CBARP: variants seen among roughly 807,000 people sequenced by gnomAD.
The protein encoded by CBARP is voltage-dependent calcium channel beta subunit-associated regulatory protein.
A neutral mutation model predicts 36.3 loss-of-function variants in CBARP; 24 were observed. That is an observed-to-expected ratio of 0.66 (90% CI 0.48 to 0.93). The LOEUF (loss-of-function observed/expected upper bound fraction) is 0.93. CBARP is among the 40% of genes least tolerant of loss of function. CBARP has a pLI of 0.00. For synonymous variants in CBARP, 586 were observed against 453.2 expected, an observed-to-expected ratio of 1.29 and a Z score of -3.72; for missense variants, 1,146 against 980.4, an observed-to-expected ratio of 1.17 and a Z score of -2.26.
At chr19:1,234,137 G>A in intron 7 of CBARP, 54 bp downstream of exon 7, 1 of 1,437,548 alleles carries the variant, frequency 7.0e-7, no homozygotes, top group Non-Finnish European at 9.1e-7. Flanking sequence ...GGACAGGGAG[G>A]GGAAGGAGCC....
intron 9 of CBARP, 80 bp from the exon 10 acceptor site, chr19:1,230,222 G>T: frequency 4.0e-6 from 4 of 994,818 alleles, no homozygotes; most frequent in Non-Finnish European, 4.8e-6. Flanking sequence ...TCTGGATCAG[G>T]GAGGGTGGAC....
At chr19:1,235,345 G>T in intron 4 of CBARP, 156 bp downstream of exon 4, 1 of 1,070,034 alleles carries the variant, frequency 9.3e-7, no homozygotes, top group Non-Finnish European at 1.3e-6. Flanking sequence ...ACCTACGCCT[G>T]GGCGTTAAGG....
chr19:1,234,191 C>T lies in CBARP; in HGVS notation c.768G>A (p.Ser256=), dbSNP rs2080931000. ...SASSDSGEGT[S]LDAGTRSTKA... Reference sequence around the variant, plus strand: ...ATGGGGGACACGCAGGGGCCCTCACCGAGGTGCCTTCCCCAGAGTCGCTAG... The same window carrying T: ...ATGGGGGACACGCAGGGGCCCTCACTGAGGTGCCTTCCCCAGAGTCGCTAG... The change falls in exon 7 of 10, where the codon TCG becomes TCA. Residue 256 remains serine (S), a splice_region_variant and synonymous_variant. Transcript: ENST00000650044. 5.9e-6 allele frequency: 9 copies of T among 1,517,050 alleles called. No individual in the cohort carries two copies. The highest frequency in any genetic ancestry group is 1.3e-5 in the South Asian group (1 of 75,788). 94.0% of individuals were successfully genotyped at this position (1,517,050 alleles called of 1,614,324 possible).
rs749222203 is a variant in CBARP, at chr19:1,230,859, G to A, written c.1154+242C>T. 7 of 1,494,066 alleles carry A rather than the reference G, an allele frequency of 4.7e-6. No homozygotes were observed. The South Asian group carries it at 5.4e-5, about 12-fold the overall frequency. 92.6% of individuals were successfully genotyped at this position (1,494,066 alleles called of 1,614,324 possible). A position where few individuals can be genotyped will look rare whatever the true frequency, so the allele number is the denominator to read the frequency against. On this transcript the variant is annotated intron_variant, in intron 9 of 9. Coordinates refer to ENST00000650044, the MANE Select transcript of CBARP (RefSeq NM_001393918.1). ...AAGCAGCAGTACCAGCGCCATCCTC[G>A]GGGGGCCCCTCCTCCCCACCCACCG... is the stretch of plus-strand genomic sequence containing the variant.
chr19:1,237,908 G>A lies in CBARP; in HGVS notation c.-174C>T, dbSNP rs1223273378. The A allele has an allele frequency of 6.8e-6, 1 of 147,216 alleles. No homozygotes were observed. Among genetic ancestry groups the A allele is most frequent in the African/African-American group, 2.4e-5 (1 of 40,952 alleles). 9.1% of individuals were successfully genotyped at this position (147,216 alleles called of 1,614,324 possible). On this transcript the variant is annotated 5_prime_UTR_variant, in exon 1 of 10. Transcript: ENST00000650044. ...CGGGGGAGGCCGGCGCGAGAGGAGG[G>A]GCCGCGCACGTGACCGCGTTGGCGG...
chr19:1,229,340 G>A lies in CBARP; in HGVS notation c.1957C>T (p.Pro653Ser). Residue 653 changes from proline to serine, a missense_variant, in exon 10 of 10, where the codon CCC becomes TCC. Coordinates refer to ENST00000650044, the MANE Select transcript of CBARP (RefSeq NM_001393918.1). The surrounding 1 kb of genome is among the most constrained non-coding windows in gnomAD (Gnocchi z 5.1). ...GGTAGGACGCACAGGCCCGAGCCGGGGCACCCCCCGCCGCCCGGCTCCTCC... is the reference window on the plus strand; with the variant it reads ...GGTAGGACGCACAGGCCCGAGCCGGAGCACCCCCCGCCGCCCGGCTCCTCC... ...IEEEPGGGGC[P>S]GSGLCVLPSG... is the part of the protein sequence containing the mutation. The A allele has an allele frequency of 3.3e-6, 4 of 1,213,388 alleles. No individual in the cohort carries two copies. Among genetic ancestry groups the A allele is most frequent in the Non-Finnish European group, 4.2e-6 (4 of 951,862 alleles). The allele number at this position is 1,213,388 out of a possible 1,614,324, so 75.2% of individuals were successfully genotyped here.
chr19:1,229,023 AG>A lies in CBARP; in HGVS notation c.*155del, dbSNP rs1351303277. 2 of 160,598 alleles carry A rather than the reference AG, an allele frequency of 1.2e-5. No homozygotes were observed. The highest frequency in any genetic ancestry group is 2.5e-5 in the Non-Finnish European group (2 of 78,860). The allele number at this position is 160,598 out of a possible 1,614,324, so 9.9% of individuals were successfully genotyped here. A position where few individuals can be genotyped will look rare whatever the true frequency, so the allele number is the denominator to read the frequency against. The stretch of plus-strand genomic sequence containing the variant: ...CCGGGGCTCTGCGCCTGCGCCCTGA[AG>A]CGGCGAGCGCGCCTCCGTCGCCCGG... On this transcript the variant is annotated 3_prime_UTR_variant, in exon 10 of 10. Coordinates refer to ENST00000650044, the MANE Select transcript of CBARP (RefSeq NM_001393918.1). This position sits in a 1 kb window ranked among gnomAD's most constrained non-coding sequence, Gnocchi z 5.1.
At chr19:1,233,909 G>A (rs756102825) in intron 7 of CBARP, among the ~76,000 whole-genome samples, 8 of 152,236 alleles carry the variant, frequency 5.3e-5, no homozygotes, top group Non-Finnish European at 7.3e-5. Context: ...CGCCCACGGC[G>A]TGGGCTGCAG....
chr19:1,230,173 G>C (rs2145445640), intron 9 of CBARP, 31 bp from the exon 10 acceptor site: 2 of 998,002 alleles, frequency 2.0e-6, no homozygotes, highest in South Asian at 8.1e-5. Flanking sequence ...TCAGAGCCCC[G>C]CCGAGCCCCG....
In CBARP at chr19:1,229,626, G is replaced by T; in HGVS notation, c.1671C>A (p.Asp557Glu). 8.3e-7 allele frequency: 1 copy of T among 1,201,984 alleles called. No homozygotes were observed. The highest frequency in any genetic ancestry group is 1.4e-5 in the South Asian group (1 of 72,450). The allele number at this position is 1,201,984 out of a possible 1,614,324, so 74.5% of individuals were successfully genotyped here. Reference protein sequence around the residue: ...DALFHEFLRHDPHFDDTPAAA... With the variant: ...DALFHEFLRHEPHFDDTPAAA... ...CAGCCGGCGTGTCGTCGAAGTGCGGGTCGTGGCGCAGGAACTCGTGGAACA... is the reference window on the plus strand; with the variant it reads ...CAGCCGGCGTGTCGTCGAAGTGCGGTTCGTGGCGCAGGAACTCGTGGAACA... Residue 557 changes from aspartate to glutamate, a missense_variant, in exon 10 of 10, where the codon GAC (aspartate) becomes GAA (glutamate). Asp to Glu is a conservative substitution (Grantham distance 45, BLOSUM62 2). Transcript: ENST00000650044. This position sits in a 1 kb window ranked among gnomAD's most constrained non-coding sequence, Gnocchi z 5.1.
Position 1,229,980 on chromosome 19 carries a change from G to C in CBARP, c.1317C>G (p.Ser439Arg), listed in dbSNP as rs1299757456. The C allele has an allele frequency of 1.6e-6, 2 of 1,223,852 alleles. No individual in the cohort carries two copies. Among genetic ancestry groups the C allele is most frequent in the Middle Eastern group, 3.5e-4 (1 of 2,896 alleles). 75.8% of individuals were successfully genotyped at this position (1,223,852 alleles called of 1,614,324 possible). A position where few individuals can be genotyped will look rare whatever the true frequency, so the allele number is the denominator to read the frequency against. The change falls in exon 10 of 10, where the codon AGC becomes AGG. Residue 439 changes from serine to arginine, a missense_variant. Physicochemically the swap from Ser to Arg is moderately radical, Grantham distance 110 (BLOSUM62 -1). Coordinates refer to ENST00000650044, the MANE Select transcript of CBARP (RefSeq NM_001393918.1). This position sits in a 1 kb window ranked among gnomAD's most constrained non-coding sequence, Gnocchi z 5.1. ...CATGCAGCTCAAGCGAGGCGCGCAG[G>C]CTCCACAGGTCGCGGTAGCTGGTCT... is the stretch of plus-strand genomic sequence containing the variant. ...QAQTSYRDLW[S>R]LRASLELHAA... is the part of the protein sequence containing the mutation.
Position 1,235,643 on chromosome 19 carries a change from C to T in CBARP, c.246-78G>A, listed in dbSNP as rs1010786367. The T allele has an allele frequency of 6.9e-6, 11 of 1,583,282 alleles. 1 individual carries two copies. The highest frequency in any genetic ancestry group is 2.3e-5 in the South Asian group (2 of 88,108). ...GTGGGTCTCGGCTCTTTGCCCCAAG[C>T]CAAGCCCTGCGCATCACCCAGTCTC... On this transcript the variant is annotated intron_variant, in intron 3 of 9. Coordinates refer to ENST00000650044, the MANE Select transcript of CBARP (RefSeq NM_001393918.1).
rs960880812 is a variant in CBARP at position 1,230,053 on chromosome 19, G to GGCT, written c.1241_1243dup (p.Gln414dup). 1 of 1,212,042 alleles carries GGCT rather than the reference G, an allele frequency of 8.3e-7. No individual in the cohort carries two copies. The highest frequency in any genetic ancestry group is 1.7e-5 in the African/African-American group (1 of 60,336). 75.1% of individuals were successfully genotyped at this position (1,212,042 alleles called of 1,614,324 possible). A position where few individuals can be genotyped will look rare whatever the true frequency, so the allele number is the denominator to read the frequency against. ...CCGCTCGGCGTCCGGCTCCAGTGGC[G>GGCT]GCTGCTGCTGCTCAGGCCCCGCGCT... On this transcript the variant is annotated inframe_insertion, in exon 10 of 10. Transcript: ENST00000650044.
intron 6 of CBARP, 50 bp downstream of exon 6, chr19:1,234,521 G>A: frequency 6.5e-7 from 1 of 1,542,874 alleles, no homozygotes; most frequent in South Asian, 1.2e-5. Context: ...GGAGTCCCCG[G>A]GGCTGCCTCC....
intron 7 of CBARP, among the ~76,000 whole-genome samples, chr19:1,233,930 G>A (rs2145454143): frequency 6.6e-6 from 1 of 152,306 alleles, no homozygotes. Context: ...GTGAGGGAGG[G>A]CAGGGGTGGC....
At chr19:1,233,334 C>T (rs764098089) in intron 8 of CBARP, 92 bp downstream of exon 8, 123 of 1,317,564 alleles carry the variant, frequency 9.3e-5, no homozygotes, top group Middle Eastern at 2.3e-4. Flanking sequence ...CCACCCAGCC[C>T]ACAACCTCCT....
intron 1 of CBARP, among the ~76,000 whole-genome samples, chr19:1,237,291 G>A (rs963263121): frequency 1.2e-4 from 19 of 152,208 alleles, no homozygotes; most frequent in South Asian, 4.1e-4. Flanking sequence ...GGAAGGGGCC[G>A]CATATGTAGG....
chr19:1,230,628 C>G, intron 9 of CBARP: 5 of 1,245,826 alleles, frequency 4.0e-6, no homozygotes, highest in Non-Finnish European at 5.0e-6. Context: ...TGCTCTGCCC[C>G]AGCCCCACGC....
intron 1 of CBARP, among the ~76,000 whole-genome samples, chr19:1,237,354 CG>C (rs546286616): frequency 0.012 from 1,843 of 151,846 alleles, 18 homozygotes; most frequent in Non-Finnish European, 0.021. Flanking sequence ...GGATGGTGAC[CG>C]GAGGCCGGGG....
Sources: gnomAD v4.1 joint callset for allele counts (sites outside exome capture counted in the v4.1 genomes callset) on GRCh38, gnomAD v4.1.1 for gene constraint, Gnocchi (gnomAD v3.1) non-coding constraint, MANE v1.5 for transcripts, NCBI Gene and HGNC (gene_info 2026-07-23, HGNC 2026-07-21) for gene names.